The following ABL1 variants were observed in gnomAD, a reference collection of about 807,000 sequenced individuals.
ABL1 encodes tyrosine-protein kinase ABL1.
In ABL1, 11 loss-of-function variants were observed where a neutral mutation model predicts 94.7. The ratio of observed to expected loss-of-function variants is 0.12; its 90% CI spans 0.07 to 0.19. The LOEUF is 0.19. ABL1 is among the 10% of genes least tolerant of loss of function. ABL1 has a pLI of 1.00. For missense variants in ABL1, 1,082 were observed against 1,489.4 expected (o/e 0.73, Z 4.50); for synonymous variants, 656 against 622.4 (o/e 1.05, Z -0.80).
In ABL1 at chr9:130,880,723, T is replaced by G; in HGVS notation, c.1678+59T>G. On this transcript the variant is annotated intron_variant, in intron 10 of 10. Coordinates refer to ENST00000318560, the MANE Select transcript of ABL1 (RefSeq NM_005157.6). The surrounding 1 kb of genome is among the most constrained non-coding windows in gnomAD (Gnocchi z 4.4). The stretch of plus-strand genomic sequence containing the variant: ...TTCCCTTCCCTGCCAGAGGCTACAT[T>G]CAGGCCATCATAGGCCAACGGGAAG... 6.3e-7 allele frequency: 1 copy of G among 1,586,134 alleles called. No homozygotes were observed.
intron 4 of ABL1, among the ~76,000 whole-genome samples, chr9:130,865,394 G>A (rs1458670562): frequency 1.3e-5 from 2 of 152,190 alleles, no homozygotes; most frequent in Middle Eastern, 3.2e-3. Flanking sequence ...CATCCCTGCA[G>A]TATGTTGCCT....
chr9:130,879,948 C>G, intron 8 of ABL1, 120 bp from the exon 9 acceptor site: 1 of 929,374 alleles, frequency 1.1e-6, no homozygotes, highest in Non-Finnish European at 1.7e-6. Flanking sequence ...CTTGTTGCAG[C>G]AAAAGATGGT....
intron 3 of ABL1, among the ~76,000 whole-genome samples, chr9:130,859,347 G>A (rs1325653166): frequency 1.3e-5 from 2 of 152,224 alleles, no homozygotes; most frequent in African/African-American, 4.8e-5. Context: ...GTTGCAGGAA[G>A]GGACCATTTA....
intron 3 of ABL1, among the ~76,000 whole-genome samples, chr9:130,857,250 A>T (rs538835272): frequency 6.6e-6 from 1 of 152,330 alleles, no homozygotes; most frequent in African/African-American, 2.4e-5. Flanking sequence ...TATGTGCATC[A>T]CCAGGTCACC....
intron 1 of ABL1, among the ~76,000 whole-genome samples, chr9:130,742,299 G>T (rs976497666): frequency 3.3e-5 from 5 of 152,170 alleles, no homozygotes; most frequent in Non-Finnish European, 7.3e-5. Flanking sequence ...CCAGGTCAAT[G>T]CCCTTACCCA....
chr9:130,806,632 A>G (rs1755189456), intron 1 of ABL1, among the ~76,000 whole-genome samples: 2 of 143,776 alleles, frequency 1.4e-5, no homozygotes, highest in African/African-American at 5.7e-5. Flanking sequence ...CTGGACAACA[A>G]AGTGAAGTGA....
chr9:130,836,466 C>T (rs1228553674), intron 1 of ABL1, among the ~76,000 whole-genome samples: 2 of 152,138 alleles, frequency 1.3e-5, no homozygotes, highest in Non-Finnish European at 2.9e-5. Flanking sequence ...AGCAGAAAGG[C>T]TATCTGTGCT....
intron 1 of ABL1, among the ~76,000 whole-genome samples, chr9:130,789,657 G>C (rs1829878997): frequency 6.6e-6 from 1 of 152,024 alleles, no homozygotes; most frequent in Admixed American, 6.5e-5. Context: ...ACTACCTTTG[G>C]GGAAGCAAAA....
intron 7 of ABL1, among the ~76,000 whole-genome samples, chr9:130,876,927 C>CG: frequency 6.8e-6 from 1 of 146,294 alleles, no homozygotes; most frequent in South Asian, 2.1e-4. Context: ...TTTGTAGAGA[C>CG]GGGGTTTCAC....
chr9:130,860,236 C>T (rs544853425), intron 3 of ABL1, among the ~76,000 whole-genome samples: 7 of 152,236 alleles, frequency 4.6e-5, no homozygotes, highest in East Asian at 1.9e-4. Flanking sequence ...TAGTGGGACA[C>T]GGGGAAGATG....
At chr9:130,765,511 T>G (rs1832172048) in intron 1 of ABL1, among the ~76,000 whole-genome samples, 1 of 152,242 alleles carries the variant, frequency 6.6e-6, no homozygotes, top group African/African-American at 2.4e-5. Context: ...TACGATAAAT[T>G]CCTAGAAGTG....
intron 7 of ABL1, among the ~76,000 whole-genome samples, chr9:130,876,218 T>C (rs1157175973): frequency 1.3e-5 from 2 of 152,086 alleles, no homozygotes; most frequent in Non-Finnish European, 2.9e-5. Flanking sequence ...GATCCAATAG[T>C]TTGCTAGGTA....
intron 1 of ABL1, among the ~76,000 whole-genome samples, chr9:130,732,501 G>A (rs1260511422): frequency 6.6e-6 from 1 of 152,068 alleles, no homozygotes; most frequent in African/African-American, 2.4e-5. Context: ...GCTGCCTGTG[G>A]CCTCTCACCA....
chr9:130,749,364 A>G (rs373032403), intron 1 of ABL1, among the ~76,000 whole-genome samples: 16 of 152,302 alleles, frequency 1.1e-4, no homozygotes, highest in African/African-American at 3.1e-4. Flanking sequence ...CAGTATTTCA[A>G]TCTCTGGAAA....
At position 130,863,167 on chromosome 9, in the gene ABL1, T is replaced by C; in HGVS notation, c.822+132T>C. 1.9e-6 allele frequency: 2 copies of C among 1,051,812 alleles called. No individual in the cohort carries two copies. Among genetic ancestry groups the C allele is most frequent in the African/African-American group, 1.6e-5 (1 of 62,260 alleles). The allele number at this position is 1,051,812 out of a possible 1,614,324, so 65.2% of individuals were successfully genotyped here. ...CTTCATTGGCGCCACGGAATTGACTTTTCCGTCTTATATCATTCCTGTGTC... is the reference window on the plus strand; with the variant it reads ...CTTCATTGGCGCCACGGAATTGACTCTTCCGTCTTATATCATTCCTGTGTC... On this transcript the variant is annotated intron_variant, in intron 4 of 10. Transcript: ENST00000318560. The surrounding 1 kb of genome is among the most constrained non-coding windows in gnomAD (Gnocchi z 4.3).
chr9:130,765,930 A>G (rs1832177327), intron 1 of ABL1, among the ~76,000 whole-genome samples: 1 of 152,242 alleles, frequency 6.6e-6, no homozygotes, highest in Non-Finnish European at 1.5e-5. Flanking sequence ...AGAATTTGGT[A>G]AAGAAGCAGT....
chr9:130,744,850 C>G (rs1454354706), intron 1 of ABL1, among the ~76,000 whole-genome samples: 1 of 145,496 alleles, frequency 6.9e-6, no homozygotes, highest in Non-Finnish European at 1.5e-5. Flanking sequence ...GAGTGAGACT[C>G]CGTCTCAAAA....
At chr9:130,818,840 A>G (rs1373575406) in intron 1 of ABL1, among the ~76,000 whole-genome samples, 1 of 152,214 alleles carries the variant, frequency 6.6e-6, no homozygotes, top group East Asian at 1.9e-4. Context: ...TGAAAGGAAA[A>G]TGATAAAAAG....
intron 1 of ABL1, among the ~76,000 whole-genome samples, chr9:130,766,807 A>G (rs1832189611): frequency 6.6e-6 from 1 of 152,102 alleles, no homozygotes; most frequent in African/African-American, 2.4e-5. Flanking sequence ...AAGACTTCCC[A>G]GCCTCCTGTT....
Sources: allele counts gnomAD v4.1 joint callset (sites outside exome capture counted in the v4.1 genomes callset), GRCh38; gene constraint gnomAD v4.1.1; non-coding constraint Gnocchi (gnomAD v3.1); transcripts MANE v1.5; gene names NCBI Gene and HGNC (gene_info 2026-07-23, HGNC 2026-07-21).